The following PLXDC2 variants were observed in gnomAD, a reference collection of about 807,000 sequenced individuals.
PLXDC2 encodes plexin domain-containing protein 2.
Under a neutral mutation model 68.9 loss-of-function variants are expected in PLXDC2, and 40 were observed. That is an observed-to-expected ratio of 0.58 (90% CI 0.45 to 0.76). The LOEUF is 0.76. Among genes scored for constraint, PLXDC2 ranks in the 30% least tolerant of loss-of-function variants. The probability of loss-of-function intolerance (pLI) is 0.00; values close to 1 mark genes in which losing one functional copy is unlikely to be tolerated. For missense variants in PLXDC2, 644 were observed against 661.9 expected (o/e 0.97, Z 0.30); for synonymous variants, 243 against 234.2 (o/e 1.04, Z -0.34).
intron 12 of PLXDC2, among the ~76,000 whole-genome samples, chr10:20,238,700 T>TATATGTGTATATATATACAC: frequency 1.8e-5 from 1 of 55,850 alleles, no homozygotes; most frequent in Non-Finnish European, 4.9e-5. Flanking sequence ...TATACACACA[T>TATATGTGTATATATATACAC]ATATATGTGT....
At chr10:20,132,895 C>T (rs570434857) in intron 4 of PLXDC2, among the ~76,000 whole-genome samples, 103 of 152,012 alleles carry the variant, frequency 6.8e-4, no homozygotes, top group South Asian at 3.7e-3. Context: ...ATTTTATAGC[C>T]CTTTTCTTCT....
Position 20,124,762 on chromosome 10 carries a change from T to G in PLXDC2, c.542-18533T>G, listed in dbSNP as rs1472205024. Among the ~76,000 whole-genome samples, 4 of 152,108 alleles carry G rather than the reference T, an allele frequency of 2.6e-5. No homozygotes were observed. The East Asian group carries it at 7.8e-4, about 30-fold the overall frequency. ...CAGTGGGGGAGCTTTTGAGCCAGGATGAGCCAGGAGAAGGAATTTCACAAG... is the reference window on the plus strand; with the variant it reads ...CAGTGGGGGAGCTTTTGAGCCAGGAGGAGCCAGGAGAAGGAATTTCACAAG... On this transcript the variant is annotated intron_variant, in intron 4 of 13. Transcript: ENST00000377252.
Position 19,950,587 on chromosome 10 carries a change from A to G in PLXDC2, c.113-51188A>G, listed in dbSNP as rs1272912475. On this transcript the variant is annotated intron_variant, in intron 1 of 13. Transcript: ENST00000377252. ...TTTTCAAATACTGCCCAAACAATCT[A>G]CAGATTCAACTCTATTCCTATGAAA... Among the ~76,000 whole-genome samples, 3 of 152,250 alleles carry G rather than the reference A, an allele frequency of 2.0e-5. No individual in the cohort carries two copies. In the East Asian group the frequency reaches 5.8e-4, roughly 29 times the overall value.
intron 13 of PLXDC2, among the ~76,000 whole-genome samples, chr10:20,275,969 G>T (rs74119596): frequency 7.0e-6 from 1 of 142,232 alleles, no homozygotes; most frequent in African/African-American, 2.6e-5. Context: ...AGGTTTTTTT[G>T]AAAAACAATA....
chr10:20,031,811 T>C (rs1835505460), intron 2 of PLXDC2, among the ~76,000 whole-genome samples: 1 of 143,382 alleles, frequency 7.0e-6, no homozygotes, highest in South Asian at 2.1e-4. Context: ...TTTTATTATT[T>C]ATTTATTTAT....
In PLXDC2 at chr10:20,153,532, A is replaced by G. The variant is rs146301055; in HGVS notation, c.783+5630A>G. On this transcript the variant is annotated intron_variant, in intron 6 of 13. Transcript: ENST00000377252. ...TTCCTGCTTGATTTAAGTGGTAGAA[A>G]TGATCTTAATCTTGTGTGCCATAAC... Among the ~76,000 whole-genome samples the G allele has an allele frequency of 7.9e-4, 121 of 152,278 alleles. 2 individuals carry two copies. In the East Asian group the frequency reaches 0.019, roughly 24 times the overall value.
chr10:19,940,249 T>A (rs1354804069), intron 1 of PLXDC2, among the ~76,000 whole-genome samples: 2 of 152,104 alleles, frequency 1.3e-5, no homozygotes, highest in Admixed American at 1.3e-4. Flanking sequence ...GTCATGTGAT[T>A]TGTACGAAGA....
intron 9 of PLXDC2, among the ~76,000 whole-genome samples, chr10:20,196,077 T>C (rs2131843519): frequency 6.6e-6 from 1 of 152,272 alleles, no homozygotes; most frequent in East Asian, 1.9e-4. Context: ...TTCCTGACAC[T>C]TCCACTAGTT....
At chr10:19,937,743 T>C (rs1018635) in intron 1 of PLXDC2, among the ~76,000 whole-genome samples, 113,318 of 151,482 alleles carry the variant, frequency 0.75, 42,804 homozygotes, top group African/African-American at 0.85. Flanking sequence ...TGTGGCAGGG[T>C]GGGCCATCTC....
intron 9 of PLXDC2, among the ~76,000 whole-genome samples, chr10:20,206,873 CAG>C (rs1554774718): frequency 6.8e-6 from 1 of 146,844 alleles, no homozygotes; most frequent in Admixed American, 6.7e-5. Context: ...CACACACACA[CAG>C]ACACACACAC....
intron 12 of PLXDC2, among the ~76,000 whole-genome samples, chr10:20,244,220 G>C (rs1835558453): frequency 6.6e-6 from 1 of 152,134 alleles, no homozygotes; most frequent in African/African-American, 2.4e-5. Flanking sequence ...CAATTATACT[G>C]CACATAATTC....
intron 1 of PLXDC2, among the ~76,000 whole-genome samples, chr10:19,926,665 T>C (rs1361970521): frequency 6.6e-6 from 1 of 152,166 alleles, no homozygotes; most frequent in Non-Finnish European, 1.5e-5. Flanking sequence ...GTAGACTCAG[T>C]GTCAGTTTTG....
At chr10:20,030,423 A>T (rs935364789) in intron 2 of PLXDC2, among the ~76,000 whole-genome samples, 1 of 152,166 alleles carries the variant, frequency 6.6e-6, no homozygotes, top group African/African-American at 2.4e-5. Flanking sequence ...TTCTTCTCTT[A>T]CCCTTCTTAG....
chr10:20,211,534 C>A, intron 9 of PLXDC2, 135 bp from the exon 10 acceptor site: 1 of 695,066 alleles, frequency 1.4e-6, no homozygotes, highest in Non-Finnish European at 2.4e-6. Flanking sequence ...GTTGCGAGTT[C>A]TATAGAAGAG....
At chr10:20,142,488 T>A (rs967582429) in intron 4 of PLXDC2, among the ~76,000 whole-genome samples, 1 of 152,120 alleles carries the variant, frequency 6.6e-6, no homozygotes, top group Non-Finnish European at 1.5e-5. Context: ...TTGTCATGGA[T>A]AATCCACAAA....
chr10:20,123,498 C>G (rs186680493), intron 4 of PLXDC2, among the ~76,000 whole-genome samples: 2 of 151,766 alleles, frequency 1.3e-5, no homozygotes, highest in Non-Finnish European at 2.9e-5. Context: ...GAACTACTGT[C>G]GAGTTTGTAT....
chr10:20,272,634 G>T (rs1251651017), intron 13 of PLXDC2, among the ~76,000 whole-genome samples: 2 of 152,090 alleles, frequency 1.3e-5, no homozygotes, highest in African/African-American at 2.4e-5. Context: ...GTAAAAAGGG[G>T]TTGCATCATC....
intron 4 of PLXDC2, among the ~76,000 whole-genome samples, chr10:20,142,994 CTG>C (rs1214900721): frequency 6.6e-6 from 1 of 151,934 alleles, no homozygotes. Flanking sequence ...ACTTATAATA[CTG>C]TATTAGCATT....
chr10:20,208,441 CT>C (rs139120924), intron 9 of PLXDC2, among the ~76,000 whole-genome samples: 30,961 of 151,964 alleles, frequency 0.2, 4,138 homozygotes, highest in East Asian at 0.4. Flanking sequence ...ATTAGATTAT[CT>C]CCCACTGGGT....
Sources: allele counts gnomAD v4.1 joint callset (sites outside exome capture counted in the v4.1 genomes callset), GRCh38; gene constraint gnomAD v4.1.1; transcripts MANE v1.5; gene names NCBI Gene and HGNC (gene_info 2026-07-23, HGNC 2026-07-21).